The following CCBE1 variants were observed in gnomAD, a reference collection of about 807,000 sequenced individuals.
CCBE1 encodes collagen and calcium-binding EGF domain-containing protein 1.
In CCBE1, 37 loss-of-function variants were observed where a neutral mutation model predicts 50.0. The ratio of observed to expected loss-of-function variants is 0.74; its 90% CI spans 0.57 to 0.97. The LOEUF (loss-of-function observed/expected upper bound fraction) is 0.97. Ranked by LOEUF, CCBE1 falls within the 50% of genes least tolerant of loss-of-function variation. CCBE1 has a pLI of 0.00. For missense variants in CCBE1, 538 were observed against 523.8 expected, an observed-to-expected ratio of 1.03 and a Z score of -0.26; for synonymous variants, 234 against 203.7, an observed-to-expected ratio of 1.15 and a Z score of -1.27.
intron 2 of CCBE1, among the ~76,000 whole-genome samples, chr18:59,683,609 A>C (rs958048598): frequency 6.6e-6 from 1 of 152,038 alleles, no homozygotes; most frequent in African/African-American, 2.4e-5. Context: ...GAGGCAGGAG[A>C]ATTGCTTGAA....
chr18:59,437,690 AC>A (rs33981103), intron 10 of CCBE1, among the ~76,000 whole-genome samples: 59,816 of 152,014 alleles, frequency 0.39, 12,489 homozygotes, highest in East Asian at 0.66. Flanking sequence ...GTGGTTTTGC[AC>A]TTTTTAAGAG....
intron 5 of CCBE1, 43 bp from the exon 6 acceptor site, chr18:59,454,994 G>T: frequency 6.7e-7 from 1 of 1,500,654 alleles, no homozygotes; most frequent in Non-Finnish European, 9.3e-7. Flanking sequence ...GAGGCTGGAT[G>T]CAAGCCAGAC....
intron 4 of CCBE1, 142 bp from the exon 5 acceptor site, chr18:59,467,033 A>T (rs2143722602): frequency 1.4e-6 from 1 of 727,058 alleles, no homozygotes; most frequent in East Asian, 2.7e-5. Flanking sequence ...GGAATAAAGT[A>T]GGGAGCTAGA....
At position 59,647,303 on chromosome 18, in the gene CCBE1, G is replaced by A. The variant is rs186339791; in HGVS notation, c.212+49326C>T. ...TTAGTTAAATGGCTGTATAATTAGT[G>A]GCACAGGAAATGACCATATGTTATG... On this transcript the variant is annotated intron_variant, in intron 2 of 10. Transcript: ENST00000439986. Among the ~76,000 whole-genome samples the A allele has an allele frequency of 3.1e-3, 479 of 152,192 alleles. 3 individuals are homozygous for A. Among genetic ancestry groups the A allele is most frequent in the Non-Finnish European group, 3.7e-3 (255 of 68,006 alleles).
chr18:59,491,464 AATTATTAC>A (rs1273057137), intron 2 of CCBE1, among the ~76,000 whole-genome samples: 1 of 152,246 alleles, frequency 6.6e-6, no homozygotes, highest in Non-Finnish European at 1.5e-5. Flanking sequence ...TTGTTTAAAT[AATTATTAC>A]ATTATTACTG....
chr18:59,454,959 A>C lies in CCBE1; in HGVS notation c.554-8T>G. On this transcript the variant is annotated splice_polypyrimidine_tract_variant and splice_region_variant and intron_variant, in intron 5 of 10. Transcript: ENST00000439986. ...TCTCAGACTTCTCATGGCCTGAGAA[A>C]GGAGATAGGCTCAGTCCTGTCTGGG... 6.2e-7 allele frequency: 1 copy of C among 1,609,890 alleles called. No homozygotes were observed. The highest frequency in any genetic ancestry group is 8.5e-7 in the Non-Finnish European group (1 of 1,176,374).
At chr18:59,484,334 G>A (rs1307106342) in intron 2 of CCBE1, among the ~76,000 whole-genome samples, 1 of 152,182 alleles carries the variant, frequency 6.6e-6, no homozygotes, top group Non-Finnish European at 1.5e-5. Flanking sequence ...TACTCAAATC[G>A]AACATCACAT....
At chr18:59,654,856 A>G (rs1335498177) in intron 2 of CCBE1, among the ~76,000 whole-genome samples, 1 of 150,794 alleles carries the variant, frequency 6.6e-6, no homozygotes, top group East Asian at 2.0e-4. Flanking sequence ...TAATCCCAGC[A>G]CTTTGGGAGG....
At chr18:59,457,926 C>G (rs150721083) in intron 5 of CCBE1, among the ~76,000 whole-genome samples, 1 of 152,182 alleles carries the variant, frequency 6.6e-6, no homozygotes, top group Non-Finnish European at 1.5e-5. Context: ...AAAGGGCTGA[C>G]GCCTTAACTT....
intron 2 of CCBE1, among the ~76,000 whole-genome samples, chr18:59,524,234 C>T (rs890838126): frequency 4.6e-5 from 7 of 152,148 alleles, no homozygotes; most frequent in African/African-American, 7.2e-5. Context: ...GCAGGAGAAT[C>T]GCTTGAACCT....
chr18:59,550,070 T>C (rs1418280951), intron 2 of CCBE1, among the ~76,000 whole-genome samples: 1 of 152,212 alleles, frequency 6.6e-6, no homozygotes, highest in Non-Finnish European at 1.5e-5. Flanking sequence ...CCAATCCGGT[T>C]TGCTTTGTTT....
chr18:59,564,867 A>G (rs2052796459), intron 2 of CCBE1, among the ~76,000 whole-genome samples: 1 of 152,248 alleles, frequency 6.6e-6, no homozygotes. Flanking sequence ...GAACATAAAG[A>G]ATAGATCTAG....
At chr18:59,465,748 A>C (rs890179008) in intron 5 of CCBE1, 2 of 152,248 alleles carry the variant, frequency 1.3e-5, no homozygotes, top group African/African-American at 4.8e-5. Flanking sequence ...GCATGGATAC[A>C]GATTGTTTAC....
chr18:59,453,926 G>A (rs925389509), intron 6 of CCBE1, among the ~76,000 whole-genome samples: 17 of 152,124 alleles, frequency 1.1e-4, no homozygotes, highest in African/African-American at 1.2e-4. Context: ...ACAGCAGAAC[G>A]GTGTTACTAG....
intron 2 of CCBE1, chr18:59,685,799 T>C (rs2054646312): frequency 6.6e-6 from 1 of 152,232 alleles, no homozygotes; most frequent in African/African-American, 2.4e-5. Flanking sequence ...ATTCTGTTGT[T>C]ATAGTGATAT....
chr18:59,439,718 G>C lies in CCBE1; in HGVS notation c.874C>G (p.Pro292Ala), dbSNP rs571698755. The C allele has an allele frequency of 7.4e-6, 12 of 1,614,142 alleles. No individual in the cohort carries two copies. The African/African-American group carries it at 1.2e-4, about 16-fold the overall frequency. ...RGSMGPMGPS[P>A]DLSHIKQGRR... ...CCTTGCTTAATGTGGGACAGATCAG[G>C]AGATGGTCCCATGGGTCCCATTGAG... The change falls in exon 8 of 11, where the codon CCT becomes GCT. Residue 292 changes from proline to alanine, a missense_variant. Pro to Ala is a conservative substitution (Grantham distance 27). Transcript: ENST00000439986.
At chr18:59,496,139 C>T (rs908249335) in intron 2 of CCBE1, among the ~76,000 whole-genome samples, 12 of 152,160 alleles carry the variant, frequency 7.9e-5, no homozygotes, top group Non-Finnish European at 2.9e-5. Context: ...TGATCCCTGA[C>T]AATTACAGCT....
chr18:59,518,458 A>G (rs1265888174), intron 2 of CCBE1, among the ~76,000 whole-genome samples: 1 of 152,208 alleles, frequency 6.6e-6, no homozygotes, highest in Non-Finnish European at 1.5e-5. Context: ...GCCATTCATA[A>G]AATAACTATA....
rs1421819593 is a variant in CCBE1, at chr18:59,678,961, A to T, written c.212+17668T>A. ...GGCTCTAAACATAAAAGTAAAATAC[A>T]AATATACATATAAAAATAAATAAAA... is the stretch of plus-strand genomic sequence containing the variant. On this transcript the variant is annotated intron_variant, in intron 2 of 10. Coordinates refer to ENST00000439986, the MANE Select transcript of CCBE1 (RefSeq NM_133459.4). Among the ~76,000 whole-genome samples, 5 of 152,376 alleles carry T rather than the reference A, an allele frequency of 3.3e-5. No homozygotes were observed. In the South Asian group the frequency reaches 1.0e-3, roughly 32 times the overall value.
Sources: gnomAD v4.1 joint callset for allele counts (sites outside exome capture counted in the v4.1 genomes callset) on GRCh38, gnomAD v4.1.1 for gene constraint, MANE v1.5 for transcripts, NCBI Gene and HGNC (gene_info 2026-07-23, HGNC 2026-07-21) for gene names.